Variants in LY75 observed in about 807,000 individuals in gnomAD.
The protein encoded by LY75 is lymphocyte antigen 75, also known as C-type lectin domain family 13 member B.
Under a neutral mutation model 231.7 loss-of-function variants are expected in LY75, and 185 were observed. The ratio of observed to expected loss-of-function variants is 0.80; its 90% confidence interval spans 0.71 to 0.90. LY75 has a LOEUF of 0.90. Among genes scored for constraint, LY75 ranks in the 40% least tolerant of loss-of-function variants. The probability of loss-of-function intolerance (pLI) is 0.00; values close to 1 mark genes in which losing one functional copy is unlikely to be tolerated. For missense variants in LY75, 1,947 were observed against 2,050.2 expected (o/e 0.95, Z 0.97); for synonymous variants, 668 against 689.0 (o/e 0.97, Z 0.48).
intron 31 of LY75, among the ~76,000 whole-genome samples, chr2:159,811,815 C>T (rs142424235): frequency 1.2e-3 from 189 of 152,320 alleles, no homozygotes; most frequent in Non-Finnish European, 2.1e-3. Context: ...CTCACTAACA[C>T]ACCAATTTGA....
intron 24 of LY75, among the ~76,000 whole-genome samples, chr2:159,841,750 A>G (rs894109033): frequency 6.6e-6 from 1 of 152,130 alleles, no homozygotes; most frequent in African/African-American, 2.4e-5. Context: ...ACTGCACTCA[A>G]TTAAAAATAT....
chr2:159,882,505 C>T (rs938797541), intron 6 of LY75, among the ~76,000 whole-genome samples, 190 bp from the exon 7 acceptor site: 39 of 152,196 alleles, frequency 2.6e-4, no homozygotes, highest in Non-Finnish European at 5.3e-4. Context: ...ATAGGAATTC[C>T]CGCTGGGATT....
In LY75 at chr2:159,854,536, C is replaced by G; in HGVS notation, c.2420-1G>C. The stretch of plus-strand genomic sequence containing the variant: ...GGAGGTCCATGAATTCCAGCACGGT[C>G]TAAAGAAGAAGAAGAAAAAGATTAG... On this transcript the variant is annotated splice_acceptor_variant, in intron 17 of 34. Coordinates refer to ENST00000263636, the MANE Select transcript of LY75 (RefSeq NM_002349.4). LOFTEE classifies it high-confidence loss of function. 2 of 1,609,772 alleles carry G rather than the reference C, an allele frequency of 1.2e-6. No homozygotes were observed. The highest frequency in any genetic ancestry group is 1.7e-6 in the Non-Finnish European group (2 of 1,177,958).
chr2:159,862,334 C>CTG (rs1290556207), intron 14 of LY75, among the ~76,000 whole-genome samples: 1 of 150,420 alleles, frequency 6.6e-6, no homozygotes, highest in Non-Finnish European at 1.5e-5. Context: ...TGGCATGCAT[C>CTG]TGTGGTCTCA....
At chr2:159,890,122 T>C in intron 4 of LY75, 91 bp downstream of exon 4, 3 of 1,503,060 alleles carry the variant, frequency 2.0e-6, no homozygotes, top group African/African-American at 1.4e-5. Context: ...AAAAGTTACA[T>C]ACAAAGAAAC....
At chr2:159,895,319 G>GT (rs2125884893) in intron 2 of LY75, among the ~76,000 whole-genome samples, 1 of 152,266 alleles carries the variant, frequency 6.6e-6, no homozygotes, top group African/African-American at 2.4e-5. Flanking sequence ...TAAAGAGTGT[G>GT]TTGACCTTAT....
intron 33 of LY75, chr2:159,807,955 C>G: frequency 1.1e-6 from 1 of 945,576 alleles, no homozygotes; most frequent in South Asian, 4.9e-5. Context: ...TTCACACCAA[C>G]CTAACACTAA....
chr2:159,850,470 G>A lies in LY75; in HGVS notation c.2884-3C>T, dbSNP rs746676813. ...ACGGGTTTGATCTTTAGAAAACACT[G>A]CAAACAAAGACATATGTGAAGCATG... On this transcript the variant is annotated splice_region_variant and splice_polypyrimidine_tract_variant and intron_variant, in intron 21 of 34. Coordinates refer to ENST00000263636, the MANE Select transcript of LY75 (RefSeq NM_002349.4). The A allele has an allele frequency of 1.3e-5, 21 of 1,613,066 alleles. No homozygotes were observed. In the Admixed American group the frequency reaches 3.3e-4, roughly 26 times the overall value.
rs762276696 is a variant in LY75 at position 159,899,078 on chromosome 2, C to G, written c.95-19G>C. Reference sequence around the variant, plus strand: ...TCATTAGCTGAGTCAAATGGACAGACAGATTGTAGATTATGTGGTTGAAGC... The same window carrying G: ...TCATTAGCTGAGTCAAATGGACAGAGAGATTGTAGATTATGTGGTTGAAGC... On this transcript the variant is annotated intron_variant, in intron 1 of 34. Coordinates refer to ENST00000263636, the MANE Select transcript of LY75 (RefSeq NM_002349.4). 6 of 1,603,460 alleles carry G rather than the reference C, an allele frequency of 3.7e-6. No homozygotes were observed. Among genetic ancestry groups the G allele is most frequent in the Non-Finnish European group, 5.1e-6 (6 of 1,175,210 alleles).
In LY75 at chr2:159,879,320, C is replaced by T; in HGVS notation, c.1454G>A (p.Cys485Tyr). The stretch of plus-strand genomic sequence containing the variant: ...ATTCAGTTTTTCTCCCTTTCTCTTG[C>T]ATACATATTTTAGTTTCTCCTCACA... ...QSCEEKLKYV[C>Y]KRKGEKLNDA... The change falls in exon 9 of 35, where the codon TGC (cysteine) becomes TAC (tyrosine). Residue 485 changes from cysteine (C) to tyrosine (Y), a missense_variant. Coordinates refer to ENST00000263636, the MANE Select transcript of LY75 (RefSeq NM_002349.4). 6.2e-7 allele frequency: 1 copy of T among 1,613,818 alleles called. No individual in the cohort carries two copies. Among genetic ancestry groups the T allele is most frequent in the East Asian group, 2.2e-5 (1 of 44,854 alleles).
Position 159,898,844 on chromosome 2 carries a change from C to T in LY75, c.310G>A (p.Ala104Thr). Residue 104 changes from alanine (A) to threonine (T), a missense_variant, in exon 2 of 35, where the codon GCC (alanine) becomes ACC (threonine). By Grantham distance (58) the Ala-to-Thr change is moderately conservative. Coordinates refer to ENST00000263636, the MANE Select transcript of LY75 (RefSeq NM_002349.4). ...ELRMFSCDSSAMLWWKCEHHS... is the reference protein window; with the variant it reads ...ELRMFSCDSSTMLWWKCEHHS... ...TGCTCACATTTCCACCACAGCATGGCACTGGAGTCACAGCTGAACATTCTC... is the reference window on the plus strand; with the variant it reads ...TGCTCACATTTCCACCACAGCATGGTACTGGAGTCACAGCTGAACATTCTC... 6.2e-7 allele frequency: 1 copy of T among 1,614,216 alleles called. No homozygotes were observed. The highest frequency in any genetic ancestry group is 8.5e-7 in the Non-Finnish European group (1 of 1,180,016).
At chr2:159,851,267 C>G (rs569001957) in intron 21 of LY75, among the ~76,000 whole-genome samples, 6 of 152,244 alleles carry the variant, frequency 3.9e-5, no homozygotes, top group African/African-American at 1.4e-4. Flanking sequence ...TCAGACACAT[C>G]TCTTTTTTCC....
Position 159,829,670 on chromosome 2 carries a change from C to T in LY75, c.3958+2000G>A, listed in dbSNP as rs529601347. Among the ~76,000 whole-genome samples the T allele has an allele frequency of 2.8e-4, 43 of 152,024 alleles. No individual in the cohort carries two copies. The South Asian group carries it at 8.7e-3, about 31-fold the overall frequency. On this transcript the variant is annotated intron_variant, in intron 28 of 34. Transcript: ENST00000263636. The stretch of plus-strand genomic sequence containing the variant: ...TTAAATATAAGTATATCAAAGTAAC[C>T]CAAAACAGTAACTTACAGATGTAAA...
At chr2:159,870,153 A>G (rs918961427) in intron 13 of LY75, among the ~76,000 whole-genome samples, 2 of 152,226 alleles carry the variant, frequency 1.3e-5, no homozygotes, top group African/African-American at 4.8e-5. Context: ...AGCAGAAGCT[A>G]TATTAGAGCA....
intron 21 of LY75, among the ~76,000 whole-genome samples, chr2:159,851,218 AAAATGTAC>A: frequency 6.6e-6 from 1 of 152,324 alleles, no homozygotes; most frequent in East Asian, 1.9e-4. Context: ...TTAAAAAGTT[AAAATGTAC>A]CCCTAGCTTT....
intron 15 of LY75, among the ~76,000 whole-genome samples, chr2:159,859,425 C>T (rs929993607): frequency 6.6e-6 from 1 of 152,200 alleles, no homozygotes; most frequent in African/African-American, 2.4e-5. Flanking sequence ...TCTCCTCCAT[C>T]TTCATCTTTT....
chr2:159,836,724 C>T (rs1683841212), intron 25 of LY75, among the ~76,000 whole-genome samples: 1 of 152,228 alleles, frequency 6.6e-6, no homozygotes, highest in African/African-American at 2.4e-5. Flanking sequence ...ACCAGAGTTC[C>T]AGCTGTAATC....
chr2:159,867,311 A>G (rs1684886608), intron 13 of LY75, among the ~76,000 whole-genome samples: 1 of 152,168 alleles, frequency 6.6e-6, no homozygotes, highest in South Asian at 2.1e-4. Context: ...TATTTCCTCA[A>G]TTGTAACTCA....
intron 7 of LY75, among the ~76,000 whole-genome samples, chr2:159,881,911 C>T (rs551433346): frequency 8.5e-5 from 13 of 152,286 alleles, no homozygotes; most frequent in Admixed American, 8.5e-4. Flanking sequence ...CTCAGTTGCC[C>T]TGGCTACATG....
Sources: gnomAD v4.1 joint callset for allele counts (sites outside exome capture counted in the v4.1 genomes callset) on GRCh38, gnomAD v4.1.1 for gene constraint, MANE v1.5 for transcripts, NCBI Gene and HGNC (gene_info 2026-07-23, HGNC 2026-07-21) for gene names.